GALNT10: variants seen among roughly 807,000 people sequenced by gnomAD.
GALNT10 encodes polypeptide N-acetylgalactosaminyltransferase 10, also known as GalNAc transferase 10.
In GALNT10, 41 loss-of-function variants were observed where a neutral mutation model predicts 75.0. The ratio of observed to expected loss-of-function variants is 0.55; its 90% confidence interval spans 0.43 to 0.71. The LOEUF (loss-of-function observed/expected upper bound fraction) is 0.71, where lower values mean the gene tolerates loss of function less well. GALNT10 is among the 30% of genes least tolerant of loss of function. GALNT10 has a pLI of 0.00. For missense variants in GALNT10, 727 were observed against 818.5 expected, an observed-to-expected ratio of 0.89 and a Z score of 1.36; for synonymous variants, 302 against 313.0, an observed-to-expected ratio of 0.96 and a Z score of 0.37.
chr5:154,365,581 C>T (rs1055855728), intron 4 of GALNT10, among the ~76,000 whole-genome samples: 2 of 152,160 alleles, frequency 1.3e-5, no homozygotes, highest in African/African-American at 4.8e-5. Flanking sequence ...ACCAAACCAT[C>T]ATCAAGGAAG....
chr5:154,324,330 C>T (rs988887195), intron 3 of GALNT10, among the ~76,000 whole-genome samples: 7 of 152,182 alleles, frequency 4.6e-5, no homozygotes, highest in African/African-American at 1.7e-4. Context: ...TGCCCCCTCC[C>T]AATGACTAAT....
rs373506228 is a variant in GALNT10, at chr5:154,246,257, T to C, written c.160-48559T>C. Among the ~76,000 whole-genome samples the C allele has an allele frequency of 3.5e-4, 54 of 152,332 alleles. No individual in the cohort carries two copies. The East Asian group carries it at 5.8e-3, about 16-fold the overall frequency. On this transcript the variant is annotated intron_variant, in intron 1 of 11. Coordinates refer to ENST00000297107, the MANE Select transcript of GALNT10 (RefSeq NM_198321.4). The stretch of plus-strand genomic sequence containing the variant: ...AAGTCTTTGCTATTGTGAATAGTGC[T>C]GCAATAAACATACGTGTGCATGTGT...
chr5:154,343,095 A>G (rs1755059786), intron 4 of GALNT10, among the ~76,000 whole-genome samples: 1 of 151,256 alleles, frequency 6.6e-6, no homozygotes, highest in Non-Finnish European at 1.5e-5. Context: ...AATGTTTAAC[A>G]TGCAGATTCC....
At position 154,245,414 on chromosome 5, in the gene GALNT10, G is replaced by A. The variant is rs1753406013; in HGVS notation, c.160-49402G>A. ...GGGTGATCTCATTTTATCCTCACCA[G>A]TGGGTACTACCCCTGTAAGCTTGCT... is the stretch of plus-strand genomic sequence containing the variant. On this transcript the variant is annotated intron_variant, in intron 1 of 11. Coordinates refer to ENST00000297107, the MANE Select transcript of GALNT10 (RefSeq NM_198321.4). 2.0e-5 allele frequency among the ~76,000 whole-genome samples: 3 copies of A among 152,186 alleles called. No homozygotes were observed. The South Asian group carries it at 6.2e-4, about 32-fold the overall frequency.
intron 7 of GALNT10, among the ~76,000 whole-genome samples, chr5:154,403,367 A>G (rs961747014): frequency 1.1e-4 from 16 of 152,268 alleles, no homozygotes; most frequent in African/African-American, 3.1e-4. Context: ...CCAGTGGGCA[A>G]ACTCAGGAGC....
intron 1 of GALNT10, among the ~76,000 whole-genome samples, chr5:154,253,540 A>T (rs886102472): frequency 3.9e-5 from 6 of 152,118 alleles, no homozygotes; most frequent in Admixed American, 2.6e-4. Flanking sequence ...AATAATAATT[A>T]AAAAAAGAAA....
chr5:154,202,036 T>C (rs754603193), intron 1 of GALNT10, among the ~76,000 whole-genome samples: 46 of 152,164 alleles, frequency 3.0e-4, no homozygotes, highest in South Asian at 4.1e-4. Context: ...CTTCCTATTA[T>C]TGGGGAAGTG....
At position 154,420,434 on chromosome 5, in the gene GALNT10, T is replaced by C. The variant is rs1477270373; in HGVS notation, c.*3462T>C. The C allele has an allele frequency of 6.6e-6, 1 of 152,230 alleles. No homozygotes were observed. Among genetic ancestry groups the C allele is most frequent in the African/African-American group, 2.4e-5 (1 of 41,458 alleles). The allele number at this position is 152,230 out of a possible 1,614,324, so 9.4% of individuals were successfully genotyped here. A position where few individuals can be genotyped will look rare whatever the true frequency, so the allele number is the denominator to read the frequency against. On this transcript the variant is annotated 3_prime_UTR_variant, in exon 12 of 12. Coordinates refer to ENST00000297107, the MANE Select transcript of GALNT10 (RefSeq NM_198321.4). ...TGGCAAAGCACTTTACAGTAGTAACTGAGGAATCAGAGTCTCTGCTTCAGC... is the reference window on the plus strand; with the variant it reads ...TGGCAAAGCACTTTACAGTAGTAACCGAGGAATCAGAGTCTCTGCTTCAGC...
Position 154,269,248 on chromosome 5 carries a change from T to C in GALNT10, c.160-25568T>C, listed in dbSNP as rs559867144. 4.3e-4 allele frequency among the ~76,000 whole-genome samples: 65 copies of C among 152,264 alleles called. 1 individual carries two copies. The South Asian group carries it at 0.012, about 27-fold the overall frequency. Reference sequence around the variant, plus strand: ...ATCCGCCTGCCTCAGCCTCCCAAAGTGCACAGGTGCTGCTAAAAAGTATTA... The same window carrying C: ...ATCCGCCTGCCTCAGCCTCCCAAAGCGCACAGGTGCTGCTAAAAAGTATTA... On this transcript the variant is annotated intron_variant, in intron 1 of 11. Coordinates refer to ENST00000297107, the MANE Select transcript of GALNT10 (RefSeq NM_198321.4).
intron 1 of GALNT10, among the ~76,000 whole-genome samples, chr5:154,201,487 T>C (rs1432058148): frequency 6.6e-6 from 1 of 152,232 alleles, no homozygotes; most frequent in Non-Finnish European, 1.5e-5. Context: ...AGATGATTCT[T>C]GCTCTATCTC....
intron 1 of GALNT10, among the ~76,000 whole-genome samples, chr5:154,279,212 T>C (rs140625009): frequency 6.6e-6 from 1 of 152,348 alleles, no homozygotes; most frequent in Non-Finnish European, 1.5e-5. Context: ...CTAACACTTG[T>C]TGTTTTCCAC....
In GALNT10 at chr5:154,352,562, G is replaced by A. The variant is rs896742240; in HGVS notation, c.568+22824G>A. ...GCCCAAGATCGCACAGCTAGTAAAC[G>A]GAAGCTGGGAGCTTCCCTGGGCTGG... On this transcript the variant is annotated intron_variant, in intron 4 of 11. Transcript: ENST00000297107. This position sits in a 1 kb window ranked among gnomAD's most constrained non-coding sequence, Gnocchi z 4.4. Among the ~76,000 whole-genome samples, 3 of 152,280 alleles carry A rather than the reference G, an allele frequency of 2.0e-5. No individual in the cohort carries two copies. The East Asian group carries it at 5.8e-4, about 29-fold the overall frequency.
chr5:154,315,156 G>C (rs901446645), intron 3 of GALNT10, among the ~76,000 whole-genome samples: 1 of 152,236 alleles, frequency 6.6e-6, no homozygotes, highest in Non-Finnish European at 1.5e-5. Flanking sequence ...TGATTCAGCT[G>C]TAGTACAACT....
intron 8 of GALNT10, among the ~76,000 whole-genome samples, chr5:154,408,980 G>A (rs1415724015): frequency 1.3e-5 from 2 of 152,116 alleles, no homozygotes; most frequent in Non-Finnish European, 2.9e-5. Flanking sequence ...TTCATCCTTG[G>A]ACAGGCTCTC....
chr5:154,380,696 A>C, intron 6 of GALNT10, 65 bp downstream of exon 6: 2 of 1,134,214 alleles, frequency 1.8e-6, no homozygotes, highest in Admixed American at 2.2e-5. Context: ...CACGCACACA[A>C]CTCAGGATCG....
intron 4 of GALNT10, among the ~76,000 whole-genome samples, chr5:154,347,584 A>T (rs1276998578): frequency 6.6e-6 from 1 of 151,968 alleles, no homozygotes; most frequent in Non-Finnish European, 1.5e-5. Flanking sequence ...CTGGTCTCAA[A>T]TTCCTGAGCC....
At chr5:154,393,073 A>AAAAAAAAC (rs1755941281) in intron 7 of GALNT10, 1 of 140,220 alleles carries the variant, frequency 7.1e-6, no homozygotes, top group Non-Finnish European at 1.6e-5. Context: ...AAAAAAAAAA[A>AAAAAAAAC]AAAAACCCAT....
intron 1 of GALNT10, among the ~76,000 whole-genome samples, chr5:154,256,375 G>A (rs1247738783): frequency 1.4e-5 from 2 of 147,958 alleles, no homozygotes; most frequent in African/African-American, 5.0e-5. Context: ...TTAATATTGT[G>A]TGTGGTCCCT....
Position 154,376,504 on chromosome 5 carries a change from G to A in GALNT10, c.754+42G>A. 1 of 1,457,414 alleles carries A rather than the reference G, an allele frequency of 6.9e-7. No individual in the cohort carries two copies. Among genetic ancestry groups the A allele is most frequent in the Non-Finnish European group, 9.3e-7 (1 of 1,077,278 alleles). 90.3% of individuals were successfully genotyped at this position (1,457,414 alleles called of 1,614,324 possible). ...CACTTGGAGGGAGGCAAACTGCAAT[G>A]AGCCAGTGCCAGTGGCCCCCTCCTG... is the stretch of plus-strand genomic sequence containing the variant. On this transcript the variant is annotated intron_variant, in intron 5 of 11. Transcript: ENST00000297107. This position sits in a 1 kb window ranked among gnomAD's most constrained non-coding sequence, Gnocchi z 4.1.
Sources: allele counts gnomAD v4.1 joint callset (sites outside exome capture counted in the v4.1 genomes callset), GRCh38; gene constraint gnomAD v4.1.1; non-coding constraint Gnocchi (gnomAD v3.1); transcripts MANE v1.5; gene names NCBI Gene and HGNC (gene_info 2026-07-23, HGNC 2026-07-21).